Variants in MOSMO observed in about 807,000 individuals in gnomAD.
The protein encoded by MOSMO is modulator of smoothened protein.
MOSMO carries 5 observed loss-of-function variants against 18.4 expected under a neutral mutation model. The observed-to-expected ratio is 0.27, with a 90% CI of 0.14 to 0.57. The LOEUF (loss-of-function observed/expected upper bound fraction) is 0.57. Ranked by LOEUF, MOSMO falls within the 20% of genes least tolerant of loss-of-function variation. The probability of loss-of-function intolerance (pLI) is 0.92; values close to 1 mark genes in which losing one functional copy is unlikely to be tolerated. For missense variants in MOSMO, 138 were observed against 211.8 expected, an observed-to-expected ratio of 0.65 and a Z score of 2.16; for synonymous variants, 82 against 82.3, an observed-to-expected ratio of 1.00 and a Z score of 0.02.
At position 22,081,061 on chromosome 16, in the gene MOSMO, A is replaced by G. The variant is rs1263815264; in HGVS notation, c.*181A>G. On this transcript the variant is annotated 3_prime_UTR_variant, in exon 3 of 3. Transcript: ENST00000542527. ...GGTTTGTTCTCACTATGCACTTTGG[A>G]TTTAAAAAAAAAAAAAAAAAGGAGA... is the stretch of plus-strand genomic sequence containing the variant. 4 of 258,980 alleles carry G rather than the reference A, an allele frequency of 1.5e-5. No individual in the cohort carries two copies. Among genetic ancestry groups the G allele is most frequent in the African/African-American group, 2.4e-5 (1 of 41,962 alleles). 16.0% of individuals were successfully genotyped at this position (258,980 alleles called of 1,614,324 possible).
Position 22,053,149 on chromosome 16 carries a change from G to T in MOSMO, c.107-22338G>T, listed in dbSNP as rs566914975. Reference sequence around the variant, plus strand: ...TTTTTTTTTTTGTATTTTTAGTAGCGATGGGGTTTTGTCATGTTGGTCTGG... The same window carrying T: ...TTTTTTTTTTTGTATTTTTAGTAGCTATGGGGTTTTGTCATGTTGGTCTGG... On this transcript the variant is annotated intron_variant, in intron 1 of 2. Transcript: ENST00000542527. Among the ~76,000 whole-genome samples the T allele has an allele frequency of 1.3e-4, 20 of 149,854 alleles. No individual in the cohort carries two copies. In the South Asian group the frequency reaches 3.4e-3, roughly 25 times the overall value.
At chr16:22,042,637 A>C (rs1260473205) in intron 1 of MOSMO, among the ~76,000 whole-genome samples, 1 of 152,210 alleles carries the variant, frequency 6.6e-6, no homozygotes, top group Non-Finnish European at 1.5e-5. Flanking sequence ...TGTTGGAGGT[A>C]TATATTTTCA....
chr16:22,073,537 TC>T (rs1364407637), intron 1 of MOSMO, among the ~76,000 whole-genome samples: 1 of 151,368 alleles, frequency 6.6e-6, no homozygotes, highest in Non-Finnish European at 1.5e-5. Flanking sequence ...CATAAGACAC[TC>T]CCTCAAGTTT....
At chr16:22,067,287 G>C (rs1310428325) in intron 1 of MOSMO, among the ~76,000 whole-genome samples, 1 of 152,026 alleles carries the variant, frequency 6.6e-6, no homozygotes, top group East Asian at 1.9e-4. Context: ...GAGAGAAAAA[G>C]GAGCGGAAAG....
At chr16:22,056,750 A>G (rs1385054684) in intron 1 of MOSMO, among the ~76,000 whole-genome samples, 1 of 152,026 alleles carries the variant, frequency 6.6e-6, no homozygotes, top group Non-Finnish European at 1.5e-5. Context: ...CTATGTTTAC[A>G]TTTCACTGTC....
intron 1 of MOSMO, among the ~76,000 whole-genome samples, chr16:22,071,803 C>T (rs1370095658): frequency 6.6e-6 from 1 of 152,106 alleles, no homozygotes; most frequent in African/African-American, 2.4e-5. Context: ...ATTACAGGCC[C>T]CTTCAAGAGG....
chr16:22,045,594 AT>A (rs1900291898), intron 1 of MOSMO, among the ~76,000 whole-genome samples: 1 of 152,244 alleles, frequency 6.6e-6, no homozygotes, highest in Admixed American at 6.5e-5. Flanking sequence ...TTTTAAAAAA[AT>A]AATTGCATAG....
In MOSMO at chr16:22,010,582, T is replaced by A. The variant is rs191856412; in HGVS notation, c.106+2175T>A. The stretch of plus-strand genomic sequence containing the variant: ...GTTGAAAGAGAAGAATTGTTACATA[T>A]AAAAGAGAAGAAAGATAAGTGATAG... On this transcript the variant is annotated intron_variant, in intron 1 of 2. Transcript: ENST00000542527. Among the ~76,000 whole-genome samples, 30 of 152,252 alleles carry A rather than the reference T, an allele frequency of 2.0e-4. No homozygotes were observed. In the East Asian group the frequency reaches 5.8e-3, roughly 29 times the overall value.
chr16:22,075,392 T>C, intron 1 of MOSMO, 95 bp from the exon 2 acceptor site: 1 of 936,376 alleles, frequency 1.1e-6, no homozygotes, highest in Non-Finnish European at 1.7e-6. Context: ...CACGAAGAGA[T>C]AAATGAGATT....
At chr16:22,064,485 C>G (rs1279707195) in intron 1 of MOSMO, 1 of 445,558 alleles carries the variant, frequency 2.2e-6, no homozygotes, top group Admixed American at 2.4e-5. Context: ...TCTCTTGATA[C>G]CCTAATTGAA....
intron 1 of MOSMO, among the ~76,000 whole-genome samples, chr16:22,047,967 G>T (rs1277759624): frequency 6.6e-6 from 1 of 152,218 alleles, no homozygotes; most frequent in African/African-American, 2.4e-5. Flanking sequence ...GTACTCCCAT[G>T]TATTCAGTTA....
intron 1 of MOSMO, among the ~76,000 whole-genome samples, chr16:22,010,933 G>GAA (rs568258058): frequency 3.6e-5 from 3 of 84,062 alleles, no homozygotes; most frequent in East Asian, 3.5e-4. Flanking sequence ...AAAGAAAACA[G>GAA]AAAAAAAAAA....
At chr16:22,063,527 C>T (rs532711474) in intron 1 of MOSMO, among the ~76,000 whole-genome samples, 58 of 152,252 alleles carry the variant, frequency 3.8e-4, no homozygotes, top group Admixed American at 3.5e-3. Context: ...TATAAATAGC[C>T]AAGTTTCCTT....
chr16:22,034,618 C>T (rs1360254833), intron 1 of MOSMO, among the ~76,000 whole-genome samples: 2 of 151,232 alleles, frequency 1.3e-5, no homozygotes, highest in Admixed American at 1.3e-4. Context: ...TTTTCTCTGG[C>T]TTTTTTCAGT....
intron 1 of MOSMO, among the ~76,000 whole-genome samples, chr16:22,048,208 T>G (rs1192029496): frequency 5.3e-5 from 8 of 152,200 alleles, no homozygotes; most frequent in Non-Finnish European, 1.2e-4. Context: ...TTACTCTACA[T>G]CTGTGTGCCT....
At chr16:22,054,002 G>A (rs1285323574) in intron 1 of MOSMO, among the ~76,000 whole-genome samples, 4 of 152,130 alleles carry the variant, frequency 2.6e-5, no homozygotes, top group Non-Finnish European at 4.4e-5. Flanking sequence ...TATCATTTGC[G>A]AGAGACAGCT....
chr16:22,071,086 A>G (rs1460805209), intron 1 of MOSMO, among the ~76,000 whole-genome samples: 3 of 152,204 alleles, frequency 2.0e-5, no homozygotes, highest in African/African-American at 7.2e-5. Context: ...TTTGTGGTAG[A>G]GTATTTTTTG....
intron 1 of MOSMO, chr16:22,064,438 A>G (rs1464412470): frequency 4.4e-6 from 2 of 456,346 alleles, no homozygotes; most frequent in East Asian, 6.9e-5. Flanking sequence ...GGGAAGAAAC[A>G]GTAAGTATCC....
intron 1 of MOSMO, among the ~76,000 whole-genome samples, chr16:22,027,653 GC>G (rs1347866446): frequency 6.6e-6 from 1 of 152,132 alleles, no homozygotes; most frequent in Non-Finnish European, 1.5e-5. Context: ...TTATCAGAGT[GC>G]CCTTTATTTT....
Sources: allele counts gnomAD v4.1 joint callset (sites outside exome capture counted in the v4.1 genomes callset), GRCh38; gene constraint gnomAD v4.1.1; transcripts MANE v1.5; gene names NCBI Gene and HGNC (gene_info 2026-07-23, HGNC 2026-07-21).